ZNF100: variants seen among roughly 807,000 people sequenced by gnomAD.
ZNF100 encodes zinc finger protein 100 (Y1).
A neutral mutation model predicts 15.8 loss-of-function variants in ZNF100; 12 were observed. That is an observed-to-expected ratio of 0.76 (90% CI 0.49 to 1.23). The LOEUF (loss-of-function observed/expected upper bound fraction) is 1.23, where lower values mean the gene tolerates loss of function less well. Among genes scored for constraint, ZNF100 ranks in the 50% most tolerant of loss-of-function variants. The probability of loss-of-function intolerance (pLI) is 0.00; values close to 1 mark genes in which losing one functional copy is unlikely to be tolerated. For missense variants in ZNF100, 670 were observed against 635.6 expected (o/e 1.05, Z -0.58); for synonymous variants, 226 against 214.8 (o/e 1.05, Z -0.45).
At chr19:21,750,792 C>T (rs927460924) in intron 2 of ZNF100, 5 of 393,682 alleles carry the variant, frequency 1.3e-5, no homozygotes, top group Non-Finnish European at 2.3e-5. Context: ...CTGAGGGCGG[C>T]GAGTAGGGGG....
intron 2 of ZNF100, among the ~76,000 whole-genome samples, chr19:21,756,622 A>C (rs1395447480): frequency 1.3e-5 from 2 of 152,222 alleles, no homozygotes; most frequent in Non-Finnish European, 2.9e-5. Flanking sequence ...ATTTTATGCC[A>C]TGGATAGAAA....
At position 21,737,190 on chromosome 19, in the gene ZNF100, T is replaced by TA. The variant is rs539184337; in HGVS notation, c.322+6826dup. On this transcript the variant is annotated intron_variant, in intron 4 of 4. Transcript: ENST00000358296. The stretch of plus-strand genomic sequence containing the variant: ...AGAGAGAAGAATGAAATAGACACAA[T>TA]AAAAAATGATAAAGCAGATATCAGC... 1.9e-4 allele frequency among the ~76,000 whole-genome samples: 29 copies of TA among 151,558 alleles called. No individual in the cohort carries two copies. The South Asian group carries it at 5.8e-3, about 31-fold the overall frequency.
At chr19:21,734,922 T>A (rs1201122149) in intron 4 of ZNF100, among the ~76,000 whole-genome samples, 3 of 152,034 alleles carry the variant, frequency 2.0e-5, no homozygotes, top group Admixed American at 1.3e-4. Context: ...TTAAAAAAAA[T>A]GAATTTCTAA....
In ZNF100 at chr19:21,765,736, A is replaced by C. The variant is rs749232573; in HGVS notation, c.54T>G (p.Pro18=). 133 of 1,614,070 alleles carry C rather than the reference A, an allele frequency of 8.2e-5. No homozygotes were observed. Among genetic ancestry groups the C allele is most frequent in the Non-Finnish European group, 9.8e-5 (116 of 1,180,052 alleles). The part of the protein sequence containing the change: ...MCPLKGASGC[P]GAERSLLVQS... ...GCACCAGAAGACTCCTCTCAGCCCC[A>C]GGGCATCCACTTGCTCCCTTGAGAG... Residue 18 remains proline (P), a synonymous_variant, in exon 2 of 5, where the codon CCT becomes CCG. Coordinates refer to ENST00000358296, the MANE Select transcript of ZNF100 (RefSeq NM_173531.4).
intron 2 of ZNF100, among the ~76,000 whole-genome samples, chr19:21,754,586 G>A (rs1469280878): frequency 1.3e-5 from 2 of 152,136 alleles, no homozygotes; most frequent in Non-Finnish European, 2.9e-5. Context: ...CTAGCCATAT[G>A]CAGAAAACTG....
intron 2 of ZNF100, among the ~76,000 whole-genome samples, chr19:21,760,513 T>A (rs1173692615): frequency 6.6e-6 from 1 of 151,428 alleles, no homozygotes; most frequent in African/African-American, 2.4e-5. Context: ...TAAAATAAAA[T>A]AATAATAATA....
At chr19:21,742,341 G>T (rs1599388581) in intron 4 of ZNF100, among the ~76,000 whole-genome samples, 2 of 135,674 alleles carry the variant, frequency 1.5e-5, no homozygotes, top group Admixed American at 7.4e-5. Context: ...TAAATTTTAT[G>T]TTACGTGTTT....
At chr19:21,736,835 T>G (rs1480919472) in intron 4 of ZNF100, among the ~76,000 whole-genome samples, 1 of 152,160 alleles carries the variant, frequency 6.6e-6, no homozygotes, top group East Asian at 1.9e-4. Flanking sequence ...AAAAAAATTC[T>G]TTGAAACCAA....
At position 21,726,946 on chromosome 19, in the gene ZNF100, G is replaced by C; in HGVS notation, c.1366C>G (p.Pro456Ala). ...TTGCCACATTCGTCACATTTGTAGG[G>C]TTTCTCTCCAGTATGAATCATCTTA... ...THKMIHTGEK[P>A]YKCDECGKAF... The change falls in exon 5 of 5, where the codon CCC becomes GCC. Residue 456 changes from proline (P) to alanine (A), a missense_variant. Transcript: ENST00000358296. 6.2e-7 allele frequency: 1 copy of C among 1,610,570 alleles called. No homozygotes were observed. The highest frequency in any genetic ancestry group is 8.5e-7 in the Non-Finnish European group (1 of 1,178,826).
chr19:21,739,404 A>G (rs1226705299), intron 4 of ZNF100, among the ~76,000 whole-genome samples: 2 of 152,178 alleles, frequency 1.3e-5, no homozygotes, highest in African/African-American at 4.8e-5. Context: ...AATAATCAAA[A>G]AATTAGCCAG....
chr19:21,767,499 AC>A lies in ZNF100; in HGVS notation c.-71del, dbSNP rs1470311288. On this transcript the variant is annotated 5_prime_UTR_variant, in exon 1 of 5. Coordinates refer to ENST00000358296, the MANE Select transcript of ZNF100 (RefSeq NM_173531.4). ...CAATATCTGCAGGTCAGAGGGCCAC[AC>A]AGGCTAGGCCCCTAGGAGCAGAAGA... 3.7e-6 allele frequency: 6 copies of A among 1,609,166 alleles called. No homozygotes were observed. Among genetic ancestry groups the A allele is most frequent in the Non-Finnish European group, 5.1e-6 (6 of 1,176,260 alleles).
intron 3 of ZNF100, 21 bp downstream of exon 3, chr19:21,744,920 G>A (rs1440480394): frequency 1.3e-6 from 2 of 1,595,518 alleles, no homozygotes; most frequent in African/African-American, 2.7e-5. Flanking sequence ...ATTAGAAATT[G>A]TGTATTAAAG....
chr19:21,741,519 C>A (rs926328063), intron 4 of ZNF100, among the ~76,000 whole-genome samples: 1 of 152,002 alleles, frequency 6.6e-6, no homozygotes, highest in Admixed American at 6.6e-5. Flanking sequence ...GGATTACAGG[C>A]ACCTGTCACA....
chr19:21,759,644 G>A (rs2036448508), intron 2 of ZNF100, among the ~76,000 whole-genome samples: 2 of 152,070 alleles, frequency 1.3e-5, no homozygotes, highest in Admixed American at 6.6e-5. Context: ...GTAAAGAAGT[G>A]GGATAAAACC....
chr19:21,760,493 T>TA (rs985816145), intron 2 of ZNF100, among the ~76,000 whole-genome samples: 36 of 149,816 alleles, frequency 2.4e-4, no homozygotes, highest in African/African-American at 7.3e-4. Context: ...AGACTCCATC[T>TA]AAAAAAAAAT....
chr19:21,752,931 C>T (rs1279578624), intron 2 of ZNF100: 1 of 152,214 alleles, frequency 6.6e-6, no homozygotes, highest in African/African-American at 2.4e-5. Context: ...CCTAGAACTT[C>T]CTGGCTTCGC....
chr19:21,723,617 C>G lies in ZNF100; in HGVS notation c.*3066G>C, dbSNP rs1042329159. On this transcript the variant is annotated 3_prime_UTR_variant, in exon 5 of 5. Transcript: ENST00000358296. The stretch of plus-strand genomic sequence containing the variant: ...AGCATTGCAGCCTGGAAACTATGTC[C>G]TCTCCACATGAAGAATCAATTTTAT... The G allele has an allele frequency of 1.3e-5, 2 of 152,166 alleles. No homozygotes were observed. Among genetic ancestry groups the G allele is most frequent in the Non-Finnish European group, 2.9e-5 (2 of 68,044 alleles). 9.4% of individuals were successfully genotyped at this position (152,166 alleles called of 1,614,324 possible).
chr19:21,738,038 G>C (rs2145704005), intron 4 of ZNF100, among the ~76,000 whole-genome samples: 1 of 152,030 alleles, frequency 6.6e-6, no homozygotes, highest in South Asian at 2.1e-4. Flanking sequence ...ATCAGCTGAG[G>C]TTAGGAGTTC....
At chr19:21,736,314 AC>A (rs1379653068) in intron 4 of ZNF100, among the ~76,000 whole-genome samples, 26 of 151,162 alleles carry the variant, frequency 1.7e-4, no homozygotes, top group Non-Finnish European at 3.4e-4. Flanking sequence ...CAAACTCCTG[AC>A]CTCAGGGGAT....
Sources: allele counts gnomAD v4.1 joint callset (sites outside exome capture counted in the v4.1 genomes callset), GRCh38; gene constraint gnomAD v4.1.1; transcripts MANE v1.5; gene names NCBI Gene and HGNC (gene_info 2026-07-23, HGNC 2026-07-21).